The following FAT4 variants were observed in gnomAD, a reference collection of about 807,000 sequenced individuals.
FAT4 encodes FAT atypical cadherin 4, also known as protocadherin Fat 4.
A neutral mutation model predicts 303.9 loss-of-function variants in FAT4; 84 were observed. The ratio of observed to expected loss-of-function variants is 0.28; its 90% CI spans 0.23 to 0.33. FAT4 has a LOEUF of 0.33. FAT4 is among the 10% of genes least tolerant of loss of function. The probability of loss-of-function intolerance (pLI) is 1.00; values close to 1 mark genes in which losing one functional copy is unlikely to be tolerated. For missense variants in FAT4, 6,005 were observed against 6,146.8 expected, an observed-to-expected ratio of 0.98 and a Z score of 0.77; for synonymous variants, 2,307 against 2,298.8, an observed-to-expected ratio of 1.00 and a Z score of -0.10.
At chr4:125,411,562 A>G (rs1177218397) in intron 5 of FAT4, among the ~76,000 whole-genome samples, 1 of 151,784 alleles carries the variant, frequency 6.6e-6, no homozygotes, top group Non-Finnish European at 1.5e-5. Flanking sequence ...TGCTTTATAA[A>G]GATGGGTGTT....
At chr4:125,453,456 C>G (rs1335235450) in intron 10 of FAT4, among the ~76,000 whole-genome samples, 1 of 152,070 alleles carries the variant, frequency 6.6e-6, no homozygotes. Context: ...TGCCTGTAAT[C>G]CCAGCACTTT....
chr4:125,426,450 T>G (rs1316398388), intron 7 of FAT4, among the ~76,000 whole-genome samples: 1 of 152,110 alleles, frequency 6.6e-6, no homozygotes, highest in Non-Finnish European at 1.5e-5. Flanking sequence ...ATATTTGTCA[T>G]AGATGGGAAT....
intron 2 of FAT4, among the ~76,000 whole-genome samples, chr4:125,383,402 A>T (rs12505066): frequency 6.6e-6 from 1 of 152,020 alleles, no homozygotes; most frequent in South Asian, 2.1e-4. Context: ...GAATGGCTGG[A>T]CAGTAGAGGA....
intron 12 of FAT4, among the ~76,000 whole-genome samples, chr4:125,470,307 G>T (rs183417702): frequency 6.6e-6 from 1 of 152,258 alleles, no homozygotes; most frequent in Non-Finnish European, 1.5e-5. Flanking sequence ...ATATGGAAAA[G>T]GAGCACTGGT....
chr4:125,491,218 G>A lies in FAT4; in HGVS notation c.14402G>A (p.Arg4801His), dbSNP rs766392638. The A allele has an allele frequency of 1.3e-5, 21 of 1,613,920 alleles. No individual in the cohort carries two copies. Among genetic ancestry groups the A allele is most frequent in the Middle Eastern group, 1.6e-4 (1 of 6,076 alleles). Residue 4801 changes from arginine (R) to histidine (H), a missense_variant, in exon 18 of 18, where the codon CGC (arginine) becomes CAC (histidine). Coordinates refer to ENST00000394329, the MANE Select transcript of FAT4 (RefSeq NM_001291303.3). ...GAAGTGGAGAGGCTCAACACACCTCGCCCTAGAAACCCAAGTATCTGCAGT... is the reference window on the plus strand; with the variant it reads ...GAAGTGGAGAGGCTCAACACACCTCACCCTAGAAACCCAAGTATCTGCAGT... ...IEEVERLNTP[R>H]PRNPSICSAD...
At chr4:125,395,611 G>A (rs142776954) in intron 2 of FAT4, among the ~76,000 whole-genome samples, 10 of 152,178 alleles carry the variant, frequency 6.6e-5, no homozygotes, top group African/African-American at 1.2e-4. Context: ...GAACCACCGC[G>A]CCCGGCCATT....
chr4:125,455,278 G>A (rs1726238769), intron 10 of FAT4, among the ~76,000 whole-genome samples: 1 of 152,140 alleles, frequency 6.6e-6, no homozygotes, highest in Non-Finnish European at 1.5e-5. Context: ...GTGAACAAAG[G>A]CACCATTTGC....
intron 8 of FAT4, among the ~76,000 whole-genome samples, chr4:125,434,759 GC>G (rs1725397645): frequency 6.6e-6 from 1 of 152,184 alleles, no homozygotes; most frequent in Non-Finnish European, 1.5e-5. Flanking sequence ...ATCTGGAGGG[GC>G]CAAGATGACT....
rs1730740156 is a variant in FAT4, at chr4:125,318,327, G to T, written c.1916G>T (p.Gly639Val). 6.2e-7 allele frequency: 1 copy of T among 1,614,198 alleles called. No individual in the cohort carries two copies. The highest frequency in any genetic ancestry group is 2.2e-5 in the East Asian group (1 of 44,864). The change falls in exon 2 of 18, where the codon GGG becomes GTG. Residue 639 changes from glycine (G) to valine (V), a missense_variant. Transcript: ENST00000394329. Reference protein sequence around the residue: ...RRSFRLDPVSGRLSTISSLDR... With the variant: ...RRSFRLDPVSVRLSTISSLDR... ...TCCTTCCGTCTGGATCCTGTGTCTG[G>T]GAGGTTGAGTACTATTTCCTCCTTG...
intron 10 of FAT4, among the ~76,000 whole-genome samples, chr4:125,458,155 T>C (rs1726349559): frequency 6.6e-6 from 1 of 152,072 alleles, no homozygotes; most frequent in Non-Finnish European, 1.5e-5. Context: ...GGTGTAGTAT[T>C]TGGAATAATG....
rs548788250 is a variant in FAT4 at position 125,350,201 on chromosome 4, CCA to C, written c.5175+28616_5175+28617del. Among the ~76,000 whole-genome samples, 1,491 of 151,732 alleles carry C rather than the reference CCA, an allele frequency of 9.8e-3. 10 individuals carry two copies. Among genetic ancestry groups the C allele is most frequent in the Non-Finnish European group, 0.017 (1,154 of 67,730 alleles). On this transcript the variant is annotated intron_variant, in intron 2 of 17. Transcript: ENST00000394329. The stretch of plus-strand genomic sequence containing the variant: ...CATGCACTTTAGAGCCAGTTGGATG[CCA>C]AAGTAACTTGGTTGGTGTTTATTTC...
Position 125,321,353 on chromosome 4 carries a change from G to A in FAT4, c.4942G>A (p.Val1648Met), listed in dbSNP as rs749029819. The A allele has an allele frequency of 3.7e-6, 6 of 1,614,012 alleles. No individual in the cohort carries two copies. Among genetic ancestry groups the A allele is most frequent in the African/African-American group, 1.3e-5 (1 of 74,918 alleles). Residue 1648 changes from valine to methionine, a missense_variant, in exon 2 of 18, where the codon GTG becomes ATG. Val to Met is a conservative substitution (Grantham distance 21). Transcript: ENST00000394329. Reference sequence around the variant, plus strand: ...GGAAGGAGAACCCATTGGCACAAACGTGATATCAATAGAAGCAGCTAGCCC... The same window carrying A: ...GGAAGGAGAACCCATTGGCACAAACATGATATCAATAGAAGCAGCTAGCCC... Reference protein sequence around the residue: ...LKEGEPIGTNVISIEAASPRG... With the variant: ...LKEGEPIGTNMISIEAASPRG...
At chr4:125,341,329 G>C (rs1175091103) in intron 2 of FAT4, among the ~76,000 whole-genome samples, 1 of 152,086 alleles carries the variant, frequency 6.6e-6, no homozygotes, top group Non-Finnish European at 1.5e-5. Flanking sequence ...AAAAGAGGTG[G>C]CCTGAGGCAG....
intron 12 of FAT4, among the ~76,000 whole-genome samples, chr4:125,474,181 G>A (rs1050978805): frequency 3.3e-5 from 5 of 151,912 alleles, no homozygotes; most frequent in East Asian, 3.9e-4. Context: ...AGATGTATAC[G>A]AAATATTAAC....
chr4:125,375,431 G>A (rs1323357638), intron 2 of FAT4, among the ~76,000 whole-genome samples: 1 of 152,192 alleles, frequency 6.6e-6, no homozygotes, highest in Non-Finnish European at 1.5e-5. Context: ...CCTCCAATGA[G>A]CATTGGCTTG....
At chr4:125,369,227 T>G (rs995744431) in intron 2 of FAT4, among the ~76,000 whole-genome samples, 4 of 152,198 alleles carry the variant, frequency 2.6e-5, no homozygotes, top group African/African-American at 9.6e-5. Flanking sequence ...ACCTCTAATC[T>G]GAATTGAATG....
rs376511287 is a variant in FAT4, at chr4:125,449,781, C to A, written c.8771C>A (p.Ala2924Asp). 6.2e-7 allele frequency: 1 copy of A among 1,613,496 alleles called. No homozygotes were observed. The highest frequency in any genetic ancestry group is 1.3e-5 in the African/African-American group (1 of 74,892). The change falls in exon 10 of 18, where the codon GCC becomes GAC. Residue 2924 changes from alanine (A) to aspartate (D), a missense_variant. Ala to Asp is a moderately radical substitution (Grantham distance 126). Transcript: ENST00000394329. Reference protein sequence around the residue: ...KSQSEYFRINATTGEIFNKQI... With the variant: ...KSQSEYFRINDTTGEIFNKQI... ...CAATCAGAATATTTCAGGATTAATG[C>A]CACCACTGGAGAGATTTTCAATAAA...
chr4:125,491,909 C>A lies in FAT4; in HGVS notation c.*141C>A. 2 of 773,210 alleles carry A rather than the reference C, an allele frequency of 2.6e-6. No homozygotes were observed. Among genetic ancestry groups the A allele is most frequent in the Admixed American group, 6.2e-5 (2 of 32,132 alleles). 47.9% of individuals were successfully genotyped at this position (773,210 alleles called of 1,614,324 possible). A position where few individuals can be genotyped will look rare whatever the true frequency, so the allele number is the denominator to read the frequency against. Reference sequence around the variant, plus strand: ...GAGGGAAAACTTTAAAAATAATAACCACAATGCTGCTGAAACAGACTCACA... The same window carrying A: ...GAGGGAAAACTTTAAAAATAATAACAACAATGCTGCTGAAACAGACTCACA... On this transcript the variant is annotated 3_prime_UTR_variant, in exon 18 of 18. Transcript: ENST00000394329.
intron 2 of FAT4, among the ~76,000 whole-genome samples, chr4:125,398,338 T>G (rs7697927): frequency 0.41 from 62,893 of 151,906 alleles, 13,231 homozygotes; most frequent in East Asian, 0.62. Flanking sequence ...TAAAACAACA[T>G]GTGAACTTTT....
Sources: allele counts gnomAD v4.1 joint callset (sites outside exome capture counted in the v4.1 genomes callset), GRCh38; gene constraint gnomAD v4.1.1; transcripts MANE v1.5; gene names NCBI Gene and HGNC (gene_info 2026-07-23, HGNC 2026-07-21).